The following NEO1 variants were observed in gnomAD, a reference collection of about 807,000 sequenced individuals.
The protein encoded by NEO1 is neogenin.
NEO1 carries 63 observed loss-of-function variants against 159.7 expected under a neutral mutation model. The ratio of observed to expected loss-of-function variants is 0.39; its 90% CI spans 0.32 to 0.49. NEO1 has a LOEUF of 0.49. NEO1 is among the 20% of genes least tolerant of loss of function. The pLI is 0.85. For missense variants in NEO1, 1,615 were observed against 1,831.0 expected, an observed-to-expected ratio of 0.88 and a Z score of 2.15; for synonymous variants, 633 against 662.0, an observed-to-expected ratio of 0.96 and a Z score of 0.67.
At chr15:73,108,764 A>T (rs2070818542) in intron 1 of NEO1, among the ~76,000 whole-genome samples, 1 of 152,238 alleles carries the variant, frequency 6.6e-6, no homozygotes, top group Non-Finnish European at 1.5e-5. Flanking sequence ...TAGAAGGGAC[A>T]GTTTGGTTAA....
At position 73,201,001 on chromosome 15, in the gene NEO1, C is replaced by A. The variant is rs1365121512; in HGVS notation, c.1291+22574C>A. On this transcript the variant is annotated intron_variant, in intron 7 of 28. Coordinates refer to ENST00000261908, the MANE Select transcript of NEO1 (RefSeq NM_002499.4). ...CTGGCCTTCCTTTATCCTTTTAATGCCCATGAAATGAGTAGTGTTAGCCCC... is the reference window on the plus strand; with the variant it reads ...CTGGCCTTCCTTTATCCTTTTAATGACCATGAAATGAGTAGTGTTAGCCCC... Among the ~76,000 whole-genome samples, 6 of 152,036 alleles carry A rather than the reference C, an allele frequency of 3.9e-5. No individual in the cohort carries two copies. In the East Asian group the frequency reaches 1.2e-3, roughly 29 times the overall value.
chr15:73,130,047 G>T (rs1008282832), intron 4 of NEO1, among the ~76,000 whole-genome samples: 3 of 152,156 alleles, frequency 2.0e-5, no homozygotes, highest in Non-Finnish European at 4.4e-5. Flanking sequence ...CCAGGCTGGA[G>T]TGTGGTGGCG....
chr15:73,206,592 G>T (rs1303310620), intron 7 of NEO1, among the ~76,000 whole-genome samples: 1 of 151,962 alleles, frequency 6.6e-6, no homozygotes, highest in African/African-American at 2.4e-5. Flanking sequence ...GTTTGTTTTT[G>T]TTGTTGTTGT....
At chr15:73,273,555 G>C (rs1394472486) in intron 19 of NEO1, among the ~76,000 whole-genome samples, 1 of 152,140 alleles carries the variant, frequency 6.6e-6, no homozygotes. Flanking sequence ...GTGCCCCCTG[G>C]TGGAAGTATC....
chr15:73,156,367 ATTGTGACCTGGTATGTGG>A (rs2151860978), intron 5 of NEO1, among the ~76,000 whole-genome samples: 1 of 152,266 alleles, frequency 6.6e-6, no homozygotes, highest in Non-Finnish European at 1.5e-5. Flanking sequence ...TATGTCTATC[ATTGTGACCTGGTATGTGG>A]TATATGCTGG....
At chr15:73,163,372 C>T (rs2034327902) in intron 5 of NEO1, among the ~76,000 whole-genome samples, 1 of 152,084 alleles carries the variant, frequency 6.6e-6, no homozygotes, top group African/African-American at 2.4e-5. Flanking sequence ...CCTTTATTGC[C>T]CCTTCCCCAT....
Position 73,244,367 on chromosome 15 carries a change from A to G in NEO1, c.1475A>G (p.His492Arg), listed in dbSNP as rs371632268. 1.1e-5 allele frequency: 18 copies of G among 1,613,632 alleles called. No homozygotes were observed. The African/African-American group carries it at 2.0e-4, about 18-fold the overall frequency. ...AGGGAACGTGTTGAGAATACCAGTCACCCAGGAGAGATGCAAGTAACCATT... is the reference window on the plus strand; with the variant it reads ...AGGGAACGTGTTGAGAATACCAGTCGCCCAGGAGAGATGCAAGTAACCATT... ...IARERVENTS[H>R]PGEMQVTIQN... Residue 492 changes from histidine (H) to arginine (R), a missense_variant, in exon 9 of 29, where the codon CAC becomes CGC. Transcript: ENST00000261908.
intron 2 of NEO1, among the ~76,000 whole-genome samples, chr15:73,118,083 T>A (rs1212881883): frequency 6.6e-6 from 1 of 152,156 alleles, no homozygotes; most frequent in Non-Finnish European, 1.5e-5. Flanking sequence ...ATATCTCTTA[T>A]CTGGGCTTTA....
chr15:73,129,511 T>G (rs990240690), intron 4 of NEO1, among the ~76,000 whole-genome samples: 9 of 152,316 alleles, frequency 5.9e-5, no homozygotes, highest in African/African-American at 2.2e-4. Flanking sequence ...GTCCAAAAAT[T>G]GATCTATATA....
At chr15:73,108,720 T>C (rs887378287) in intron 1 of NEO1, among the ~76,000 whole-genome samples, 15 of 152,130 alleles carry the variant, frequency 9.9e-5, no homozygotes, top group African/African-American at 2.9e-4. Flanking sequence ...AGGACTAGGA[T>C]CTCTTCAGAA....
chr15:73,284,241 T>C (rs1000654011), intron 23 of NEO1, among the ~76,000 whole-genome samples: 1 of 152,200 alleles, frequency 6.6e-6, no homozygotes, highest in African/African-American at 2.4e-5. Flanking sequence ...AGTTGCAATA[T>C]CTTGAAAGAT....
At chr15:73,255,795 C>G (rs572203118) in intron 13 of NEO1, 1 of 152,298 alleles carries the variant, frequency 6.6e-6, no homozygotes, top group Non-Finnish European at 1.5e-5. Context: ...GGAGTATTGC[C>G]TCAGCTGCAT....
chr15:73,300,725 C>T (rs1050618071), intron 27 of NEO1, among the ~76,000 whole-genome samples: 5 of 151,688 alleles, frequency 3.3e-5, no homozygotes, highest in South Asian at 2.1e-4. Flanking sequence ...GGAGAGACTC[C>T]GTCTCAAAAA....
chr15:73,070,436 TAACTC>T (rs1309939628), intron 1 of NEO1, among the ~76,000 whole-genome samples: 1 of 152,192 alleles, frequency 6.6e-6, no homozygotes, highest in African/African-American at 2.4e-5. Flanking sequence ...CATGTGAGTG[TAACTC>T]AACTCGGTAG....
chr15:73,057,938 TTA>T (rs2067791560), intron 1 of NEO1, among the ~76,000 whole-genome samples: 3 of 152,196 alleles, frequency 2.0e-5, no homozygotes. Context: ...ATAAAAGATT[TTA>T]TCACTTCTAC....
chr15:73,301,177 A>C, intron 27 of NEO1, 144 bp from the exon 28 acceptor site: 1 of 1,032,014 alleles, frequency 9.7e-7, no homozygotes, highest in Non-Finnish European at 1.4e-6. Flanking sequence ...CTTCCCTCTT[A>C]TTCCAGTAAC....
intron 3 of NEO1, 58 bp downstream of exon 3, chr15:73,122,858 C>G: frequency 1.3e-6 from 2 of 1,581,172 alleles, no homozygotes; most frequent in Admixed American, 1.7e-5. Context: ...AAACATTGTT[C>G]TGTTAGAATT....
chr15:73,158,274 A>G (rs1417211564), intron 5 of NEO1, among the ~76,000 whole-genome samples: 9 of 129,884 alleles, frequency 6.9e-5, no homozygotes, highest in Non-Finnish European at 1.4e-4. Context: ...TCAGCTTGTT[A>G]AATTTGATAA....
chr15:73,293,610 G>C (rs2042243316), intron 26 of NEO1, 62 bp downstream of exon 26: 1 of 1,544,644 alleles, frequency 6.5e-7, no homozygotes, highest in Non-Finnish European at 8.9e-7. Flanking sequence ...AGCAGAAATG[G>C]GGAAGGACTT....
Sources: gnomAD v4.1 joint callset for allele counts (sites outside exome capture counted in the v4.1 genomes callset) on GRCh38, gnomAD v4.1.1 for gene constraint, MANE v1.5 for transcripts, NCBI Gene and HGNC (gene_info 2026-07-23, HGNC 2026-07-21) for gene names.